Variants in CACNA1C observed in about 807,000 individuals in gnomAD.
The protein encoded by CACNA1C is voltage-dependent L-type calcium channel subunit alpha-1C.
In CACNA1C, 30 loss-of-function variants were observed where a neutral mutation model predicts 229.0. The observed-to-expected ratio is 0.13, with a 90% confidence interval of 0.10 to 0.18. The LOEUF (loss-of-function observed/expected upper bound fraction) is 0.18. Ranked by LOEUF, CACNA1C falls within the 10% of genes least tolerant of loss-of-function variation. The probability of loss-of-function intolerance (pLI) is 1.00; values close to 1 mark genes in which losing one functional copy is unlikely to be tolerated. For synonymous variants in CACNA1C, 1,114 were observed against 1,132.5 expected (o/e 0.98, Z 0.33); for missense variants, 1,658 against 2,845.0 (o/e 0.58, Z 9.49).
intron 13 of CACNA1C, among the ~76,000 whole-genome samples, chr12:2,578,598 A>G (rs1034937): frequency 0.89 from 135,998 of 152,232 alleles, 60,802 homozygotes; most frequent in East Asian, 0.99. Flanking sequence ...GTCAGGACTC[A>G]TTTTGAAGAT....
chr12:2,211,270 C>T (rs1244464046), intron 3 of CACNA1C, among the ~76,000 whole-genome samples: 1 of 152,244 alleles, frequency 6.6e-6, no homozygotes, highest in Non-Finnish European at 1.5e-5. Context: ...TACCCACTTT[C>T]TTACACCTCA....
At chr12:2,109,501 GTC>G (rs2080765347) in intron 1 of CACNA1C, among the ~76,000 whole-genome samples, 1 of 152,252 alleles carries the variant, frequency 6.6e-6, no homozygotes, top group African/African-American at 2.4e-5. Flanking sequence ...GAGCCACTGT[GTC>G]AGGAGTGCAT....
chr12:2,004,181 C>A, intron 1 of CACNA1C: 2 of 1,525,572 alleles, frequency 1.3e-6, no homozygotes, highest in South Asian at 1.2e-5. Context: ...TCCAGGGCGT[C>A]AACGTCTCCT....
chr12:2,056,875 T>G (rs991109188), intron 1 of CACNA1C, among the ~76,000 whole-genome samples: 10 of 152,306 alleles, frequency 6.6e-5, no homozygotes, highest in Non-Finnish European at 1.5e-4. Context: ...TAACAGTATT[T>G]AAGTGTGTGT....
chr12:2,665,022 C>T lies in CACNA1C; in HGVS notation c.4398+32C>T, dbSNP rs1305532692. On this transcript the variant is annotated intron_variant, in intron 35 of 46. Transcript: ENST00000399655. This position sits in a 1 kb window ranked among gnomAD's most constrained non-coding sequence, Gnocchi z 5.9. ...CAAGGGGGAACTCAACAGCCAGCAGCCATGACTGCCCAGTTCCAGGGCAGT... is the reference window on the plus strand; with the variant it reads ...CAAGGGGGAACTCAACAGCCAGCAGTCATGACTGCCCAGTTCCAGGGCAGT... 4 of 1,610,292 alleles carry T rather than the reference C, an allele frequency of 2.5e-6. No individual in the cohort carries two copies. The highest frequency in any genetic ancestry group is 3.4e-6 in the Non-Finnish European group (4 of 1,177,194).
chr12:2,406,337 C>T (rs1039219636), intron 3 of CACNA1C, among the ~76,000 whole-genome samples: 3 of 152,156 alleles, frequency 2.0e-5, no homozygotes, highest in Non-Finnish European at 2.9e-5. Context: ...TCTTTGAGTA[C>T]TTTTTCAGCC....
At chr12:2,149,341 A>G (rs1460854781) in intron 3 of CACNA1C, among the ~76,000 whole-genome samples, 1 of 152,208 alleles carries the variant, frequency 6.6e-6, no homozygotes, top group Non-Finnish European at 1.5e-5. Context: ...AGAAAGAAAG[A>G]GAGGCCTGGT....
At chr12:2,004,265 G>T (rs765228297) in intron 1 of CACNA1C, 2 of 1,612,442 alleles carry the variant, frequency 1.2e-6, no homozygotes, top group Non-Finnish European at 8.5e-7. Flanking sequence ...GCACTGCTCC[G>T]CCGCGTCCGC....
At chr12:2,318,838 G>A (rs1459861879) in intron 3 of CACNA1C, among the ~76,000 whole-genome samples, 1 of 151,714 alleles carries the variant, frequency 6.6e-6, no homozygotes, top group African/African-American at 2.4e-5. Flanking sequence ...CTAGAGGAGC[G>A]GGCAGAGAGA....
chr12:2,002,285 G>A (rs1472417497), intron 1 of CACNA1C, among the ~76,000 whole-genome samples: 1 of 152,014 alleles, frequency 6.6e-6, no homozygotes, highest in East Asian at 1.9e-4. Context: ...CATTCAAACG[G>A]CTCCCATCCA....
At chr12:2,228,026 G>A (rs1216613624) in intron 3 of CACNA1C, among the ~76,000 whole-genome samples, 2 of 152,140 alleles carry the variant, frequency 1.3e-5, no homozygotes, top group African/African-American at 4.8e-5. Context: ...TCCTTAGGTG[G>A]TGGGCTGCCA....
intron 3 of CACNA1C, among the ~76,000 whole-genome samples, chr12:2,411,773 C>T (rs1300947299): frequency 6.6e-6 from 1 of 152,232 alleles, no homozygotes. Flanking sequence ...CACCCTGAGG[C>T]TCCTCCCCCA....
chr12:2,462,950 T>C (rs542961075), intron 5 of CACNA1C, among the ~76,000 whole-genome samples: 1 of 147,894 alleles, frequency 6.8e-6, no homozygotes, highest in African/African-American at 2.5e-5. Flanking sequence ...TCTTGCTCTG[T>C]CGCCCAGGCT....
chr12:2,400,198 T>C (rs2098657662), intron 3 of CACNA1C, among the ~76,000 whole-genome samples: 1 of 152,152 alleles, frequency 6.6e-6, no homozygotes, highest in Non-Finnish European at 1.5e-5. Flanking sequence ...GAAAGTTAAA[T>C]AACATGGATC....
At chr12:2,450,511 G>A (rs1220902253) in intron 4 of CACNA1C, among the ~76,000 whole-genome samples, 4 of 116,436 alleles carry the variant, frequency 3.4e-5, no homozygotes, top group Non-Finnish European at 4.8e-5. Context: ...CCGAGATCAT[G>A]CCACTGCACT....
rs558742597 is a variant in CACNA1C at position 2,575,148 on chromosome 12, T to C, written c.1896-6442T>C. Among the ~76,000 whole-genome samples the C allele has an allele frequency of 8.1e-4, 123 of 152,278 alleles. 1 individual carries two copies. The highest frequency in any genetic ancestry group is 2.9e-3 in the African/African-American group (120 of 41,554). On this transcript the variant is annotated intron_variant, in intron 13 of 46. Coordinates refer to ENST00000399655, the MANE Select transcript of CACNA1C (RefSeq NM_000719.7). The surrounding 1 kb of genome is among the most constrained non-coding windows in gnomAD (Gnocchi z 4.0). The stretch of plus-strand genomic sequence containing the variant: ...TTCTTAATGTGACCGAGACATCTGC[T>C]GCAAACAGAGAAGACAAGACCTTTG...
intron 3 of CACNA1C, among the ~76,000 whole-genome samples, chr12:2,376,957 G>GCCT (rs1295921254): frequency 6.6e-6 from 1 of 152,132 alleles, no homozygotes; most frequent in Non-Finnish European, 1.5e-5. Context: ...CCATGATCAG[G>GCCT]CCTTTTCTGC....
chr12:2,363,459 T>C (rs2097626297), intron 3 of CACNA1C, among the ~76,000 whole-genome samples: 1 of 152,222 alleles, frequency 6.6e-6, no homozygotes, highest in South Asian at 2.1e-4. Context: ...CAAAACCACT[T>C]TCAGCTGTCG....
chr12:2,487,135 G>T (rs561061347), intron 6 of CACNA1C, among the ~76,000 whole-genome samples: 4 of 151,916 alleles, frequency 2.6e-5, no homozygotes, highest in African/African-American at 7.3e-5. Flanking sequence ...TTAACACAAA[G>T]AACTTGTTGA....
Sources: gnomAD v4.1 joint callset for allele counts (sites outside exome capture counted in the v4.1 genomes callset) on GRCh38, gnomAD v4.1.1 for gene constraint, Gnocchi (gnomAD v3.1) non-coding constraint, MANE v1.5 for transcripts, NCBI Gene and HGNC (gene_info 2026-07-23, HGNC 2026-07-21) for gene names.